ZNF346: variants seen among roughly 807,000 people sequenced by gnomAD.
ZNF346 encodes the protein double-stranded RNA-binding zinc finger protein JAZ.
In ZNF346, 23 loss-of-function variants were observed where a neutral mutation model predicts 33.7. That is an observed-to-expected ratio of 0.68 (90% confidence interval 0.49 to 0.97). The LOEUF is 0.97. Ranked by LOEUF, ZNF346 falls within the 50% of genes least tolerant of loss-of-function variation. The pLI, the probability that ZNF346 is intolerant of heterozygous loss-of-function variation, is 0.00. For synonymous variants in ZNF346, 134 were observed against 142.4 expected, an observed-to-expected ratio of 0.94 and a Z score of 0.42; for missense variants, 340 against 371.1, an observed-to-expected ratio of 0.92 and a Z score of 0.69.
rs796884206 is a variant in ZNF346 at position 177,049,822 on chromosome 5, G to T, written c.518-929G>T. On this transcript the variant is annotated intron_variant, in intron 4 of 6. Transcript: ENST00000358149. Reference sequence around the variant, plus strand: ...CTGAGGACCAAAGGAGAAAATATATGTAGAAAACACATCACTAATTTTTTT... The same window carrying T: ...CTGAGGACCAAAGGAGAAAATATATTTAGAAAACACATCACTAATTTTTTT... Among the ~76,000 whole-genome samples the T allele has an allele frequency of 1.2e-4, 18 of 152,124 alleles. 1 individual carries two copies. The highest frequency in any genetic ancestry group is 4.3e-4 in the African/African-American group (18 of 41,522).
chr5:177,028,713 T>C (rs995816000), intron 1 of ZNF346, among the ~76,000 whole-genome samples: 2,739 of 113,818 alleles, frequency 0.024, 240 homozygotes, highest in African/African-American at 0.092. Context: ...CTTTCTTTTT[T>C]TTTTTTTTTT....
chr5:177,041,922 C>A, intron 3 of ZNF346, 52 bp downstream of exon 3: 1 of 1,275,414 alleles, frequency 7.8e-7, no homozygotes, highest in Non-Finnish European at 1.1e-6. Flanking sequence ...AGCCAGCCAG[C>A]AGGTTGGTGT....
At chr5:177,062,188 C>T (rs919731924) in intron 6 of ZNF346, 37 bp downstream of exon 6, 2 of 1,550,192 alleles carry the variant, frequency 1.3e-6, no homozygotes, top group African/African-American at 2.7e-5. Flanking sequence ...GGATCCATAG[C>T]AGGAGCTCAG....
intron 4 of ZNF346, among the ~76,000 whole-genome samples, chr5:177,048,792 T>C (rs1780460725): frequency 6.6e-6 from 1 of 151,030 alleles, no homozygotes; most frequent in African/African-American, 2.4e-5. Flanking sequence ...TTTTTCTTTT[T>C]TTTTTTTTTT....
At chr5:177,051,089 G>A (rs1439879238) in intron 5 of ZNF346, among the ~76,000 whole-genome samples, 153 bp downstream of exon 5, 3 of 151,796 alleles carry the variant, frequency 2.0e-5, no homozygotes, top group African/African-American at 7.3e-5. Context: ...ATTAAAATGA[G>A]AGCCAGGAAG....
intron 1 of ZNF346, among the ~76,000 whole-genome samples, chr5:177,024,398 A>G (rs1021484699): frequency 3.9e-5 from 6 of 151,952 alleles, no homozygotes; most frequent in Non-Finnish European, 8.8e-5. Flanking sequence ...GGGTTTCACC[A>G]TGTTGGCCAG....
chr5:177,062,963 C>T (rs1782721492), intron 6 of ZNF346, among the ~76,000 whole-genome samples: 1 of 152,154 alleles, frequency 6.6e-6, no homozygotes, highest in Non-Finnish European at 1.5e-5. Flanking sequence ...TATGGCACCA[C>T]TGATATGAAG....
chr5:177,043,953 A>C lies in ZNF346; in HGVS notation c.373-436A>C, dbSNP rs372664234. Among the ~76,000 whole-genome samples the C allele has an allele frequency of 1.6e-4, 25 of 152,130 alleles. No homozygotes were observed. The East Asian group carries it at 1.9e-3, about 12-fold the overall frequency. On this transcript the variant is annotated intron_variant, in intron 3 of 6. Transcript: ENST00000358149. ...TCAGTTTAGGGTGGCAAGTGGTATG[A>C]CAGAGGTCTATTTAATGTACTCTGG...
intron 5 of ZNF346, among the ~76,000 whole-genome samples, chr5:177,055,438 T>G (rs969237911): frequency 3.9e-5 from 6 of 152,160 alleles, no homozygotes; most frequent in African/African-American, 1.4e-4. Flanking sequence ...AACTGGAAAT[T>G]GACTCTATAT....
At chr5:177,042,032 A>G in intron 3 of ZNF346, 162 bp downstream of exon 3, 1 of 530,290 alleles carries the variant, frequency 1.9e-6, no homozygotes, top group Non-Finnish European at 3.4e-6. Flanking sequence ...CCTCTATAAA[A>G]ATGAGGATGG....
intron 1 of ZNF346, chr5:177,023,332 C>T: frequency 1.1e-6 from 1 of 899,862 alleles, no homozygotes. Context: ...CTCTCAAGCC[C>T]CACACTTCCG....
chr5:177,044,418 G>T lies in ZNF346; in HGVS notation c.402G>T (p.Gln134His), dbSNP rs776807327. The change falls in exon 4 of 7, where the codon CAG becomes CAT. Residue 134 changes from glutamine (Q) to histidine (H), a missense_variant. By Grantham distance (24) the Gln-to-His change is conservative. Coordinates refer to ENST00000358149, the MANE Select transcript of ZNF346 (RefSeq NM_012279.4). ...QKSSRSKDKN[Q>H]CCPICNMTFS... Reference sequence around the variant, plus strand: ...GCAGCAGAAGCAAAGACAAGAACCAGTGCTGCCCCATCTGTAACATGACCT... The same window carrying T: ...GCAGCAGAAGCAAAGACAAGAACCATTGCTGCCCCATCTGTAACATGACCT... 6 of 1,614,120 alleles carry T rather than the reference G, an allele frequency of 3.7e-6. No homozygotes were observed. The East Asian group carries it at 8.9e-5, about 24-fold the overall frequency.
downstream of ZNF346, among the ~76,000 whole-genome samples, chr5:177,071,483 G>A (rs1783497116): frequency 6.6e-6 from 1 of 151,856 alleles, no homozygotes; most frequent in Non-Finnish European, 1.5e-5. Context: ...TTAGGAGATC[G>A]AGACCATCCT....
chr5:177,031,998 C>CTTTTTTTTTTTTTTTTTTTTTTTTTTTT (rs34021834), intron 1 of ZNF346, among the ~76,000 whole-genome samples: 3 of 67,840 alleles, frequency 4.4e-5, no homozygotes, highest in Admixed American at 2.2e-4. Flanking sequence ...TTTCTTTTTT[C>CTTTTTTTTTTTTTTTTTTTTTTTTTTTT]TTTTTTTTTT....
exon 9 of ZNF346, chr5:177,080,258 A>G (rs1783924448): frequency 6.6e-6 from 1 of 152,286 alleles, no homozygotes; most frequent in Non-Finnish European, 1.5e-5. Context: ...AGGAGGGGTC[A>G]TTCTCACAGT....
chr5:177,076,390 G>A (rs992371367), intron 8 of ZNF346, among the ~76,000 whole-genome samples: 3 of 152,150 alleles, frequency 2.0e-5, no homozygotes, highest in East Asian at 1.9e-4. Flanking sequence ...GCACTTCCTT[G>A]TAAAATCTAG....
chr5:177,028,720 T>C (rs1170599799), intron 1 of ZNF346, among the ~76,000 whole-genome samples: 1 of 122,016 alleles, frequency 8.2e-6, no homozygotes, highest in Admixed American at 8.0e-5. Flanking sequence ...TTTTTTTTTT[T>C]TTTTTTTTTT....
At chr5:177,047,824 C>T (rs1037793140) in intron 4 of ZNF346, among the ~76,000 whole-genome samples, 5 of 151,828 alleles carry the variant, frequency 3.3e-5, no homozygotes, top group East Asian at 1.9e-4. Context: ...GTATTACTAG[C>T]GATGGGGTTT....
intron 1 of ZNF346, among the ~76,000 whole-genome samples, chr5:177,037,700 C>T (rs1208302316): frequency 3.9e-5 from 6 of 152,194 alleles, no homozygotes; most frequent in Admixed American, 3.9e-4. Context: ...TCTCTGAAGA[C>T]TACAGCAGCC....
Sources: allele counts gnomAD v4.1 joint callset (sites outside exome capture counted in the v4.1 genomes callset), GRCh38; gene constraint gnomAD v4.1.1; transcripts MANE v1.5; gene names NCBI Gene and HGNC (gene_info 2026-07-23, HGNC 2026-07-21).